LRRFIP1: variants seen among roughly 807,000 people sequenced by gnomAD.
LRRFIP1 encodes the protein leucine-rich repeat flightless-interacting protein 1.
Under a neutral mutation model 104.4 loss-of-function variants are expected in LRRFIP1, and 62 were observed. That is an observed-to-expected ratio of 0.59 (90% CI 0.48 to 0.73). The LOEUF (loss-of-function observed/expected upper bound fraction) is 0.73, where lower values mean the gene tolerates loss of function less well. Among genes scored for constraint, LRRFIP1 ranks in the 30% least tolerant of loss-of-function variants. LRRFIP1 has a pLI of 0.00. For synonymous variants in LRRFIP1, 300 were observed against 299.0 expected, an observed-to-expected ratio of 1.00 and a Z score of -0.03; for missense variants, 796 against 824.5, an observed-to-expected ratio of 0.97 and a Z score of 0.42.
chr2:237,778,297 T>C (rs1430726904), intron 23 of LRRFIP1, among the ~76,000 whole-genome samples: 1 of 152,246 alleles, frequency 6.6e-6, no homozygotes, highest in Non-Finnish European at 1.5e-5. Flanking sequence ...ACAAGCTTCC[T>C]TGAGTGTTTT....
chr2:237,724,971 T>C (rs1466452316), intron 7 of LRRFIP1, among the ~76,000 whole-genome samples: 1 of 152,220 alleles, frequency 6.6e-6, no homozygotes, highest in South Asian at 2.1e-4. Flanking sequence ...ACATTATTCA[T>C]CCAAAAAGTT....
At position 237,718,000 on chromosome 2, in the gene LRRFIP1, C is replaced by A. The variant is rs991068514; in HGVS notation, c.249+191C>A. ...TCTGGTCTCTGTTTACATCCCCAAA[C>A]GCAGCCTGCTTAGAAACAGTCCTGG... On this transcript the variant is annotated intron_variant, in intron 4 of 23. Coordinates refer to ENST00000308482, the MANE Select transcript of LRRFIP1 (RefSeq NM_001137550.2). This position sits in a 1 kb window ranked among gnomAD's most constrained non-coding sequence, Gnocchi z 4.2. Among the ~76,000 whole-genome samples, 1 of 152,244 alleles carries A rather than the reference C, an allele frequency of 6.6e-6. No homozygotes were observed. Among genetic ancestry groups the A allele is most frequent in the Non-Finnish European group, 1.5e-5 (1 of 68,046 alleles).
rs2092801807 is a variant in LRRFIP1, at chr2:237,691,968, G to A, written c.97-16576G>A. Among the ~76,000 whole-genome samples the A allele has an allele frequency of 7.2e-6, 1 of 138,854 alleles. No homozygotes were observed. Among genetic ancestry groups the A allele is most frequent in the African/African-American group, 2.7e-5 (1 of 37,300 alleles). 91.1% of individuals were successfully genotyped at this position (138,854 alleles called of 152,430 possible). A position where few individuals can be genotyped will look rare whatever the true frequency, so the allele number is the denominator to read the frequency against. On this transcript the variant is annotated intron_variant, in intron 1 of 23. Transcript: ENST00000308482. The surrounding 1 kb of genome is among the most constrained non-coding windows in gnomAD (Gnocchi z 5.4). Reference sequence around the variant, plus strand: ...AGGGCGGGACAGGCCGTGGGGCGGGGCCTGGGTGGGGCGGAGCCGGTGGGG... The same window carrying A: ...AGGGCGGGACAGGCCGTGGGGCGGGACCTGGGTGGGGCGGAGCCGGTGGGG...
intron 2 of LRRFIP1, chr2:237,708,849 G>T: frequency 1.5e-6 from 1 of 678,500 alleles, no homozygotes; most frequent in Non-Finnish European, 2.8e-6. Context: ...CTCCTGAGAG[G>T]GGCTTAGAAG....
chr2:237,767,074 A>G (rs1176369210), intron 19 of LRRFIP1, among the ~76,000 whole-genome samples: 1 of 152,158 alleles, frequency 6.6e-6, no homozygotes. Context: ...AGTCCCAGCT[A>G]CTTAGGAGGC....
In LRRFIP1 at chr2:237,753,386, C is replaced by T; in HGVS notation, c.945C>T (p.Asn315=). 3 of 1,606,018 alleles carry T rather than the reference C, an allele frequency of 1.9e-6. No individual in the cohort carries two copies. Among genetic ancestry groups the T allele is most frequent in the Non-Finnish European group, 1.7e-6 (2 of 1,178,186 alleles). ...SNAQLDNEKT[N]FMYQVDTLKD... is the part of the protein sequence containing the mutation. ...CTCAGCTAGACAATGAAAAGACAAA[C>T]TTCATGTACCAGGTTGATACCCTAA... Residue 315 remains asparagine (N), a synonymous_variant, in exon 15 of 24, where the codon AAC becomes AAT. Transcript: ENST00000308482.
intron 4 of LRRFIP1, among the ~76,000 whole-genome samples, chr2:237,718,475 C>G (rs183455452): frequency 2.0e-5 from 3 of 152,304 alleles, no homozygotes; most frequent in South Asian, 4.1e-4. Context: ...TTCTGGCTTT[C>G]TCAGGAAGCA....
chr2:237,679,714 T>A lies in LRRFIP1; in HGVS notation c.97-28830T>A, dbSNP rs188688486. Among the ~76,000 whole-genome samples, 69 of 152,278 alleles carry A rather than the reference T, an allele frequency of 4.5e-4. 1 individual carries two copies. Among genetic ancestry groups the A allele is most frequent in the Non-Finnish European group, 2.9e-5 (2 of 68,022 alleles). Reference sequence around the variant, plus strand: ...ACCTCTGCCAACTGAGTTCAAGTGATTCTCCTGCCTCAGCCTCCCGAGTAG... The same window carrying A: ...ACCTCTGCCAACTGAGTTCAAGTGAATCTCCTGCCTCAGCCTCCCGAGTAG... On this transcript the variant is annotated intron_variant, in intron 1 of 23. Transcript: ENST00000308482.
At chr2:237,693,750 T>TA (rs1387372867) in intron 1 of LRRFIP1, among the ~76,000 whole-genome samples, 1 of 152,118 alleles carries the variant, frequency 6.6e-6, no homozygotes, top group Non-Finnish European at 1.5e-5. Context: ...CTGCTGGACT[T>TA]AGAGTCCTTG....
intron 20 of LRRFIP1, chr2:237,770,212 T>G: frequency 1.9e-6 from 1 of 518,422 alleles, no homozygotes; most frequent in Non-Finnish European, 3.5e-6. Flanking sequence ...TTAATAAGGA[T>G]GTCTCAAAGA....
intron 1 of LRRFIP1, among the ~76,000 whole-genome samples, chr2:237,681,869 C>T (rs1030153739): frequency 2.0e-5 from 3 of 150,732 alleles, no homozygotes; most frequent in Non-Finnish European, 3.0e-5. Flanking sequence ...TTAGTAGAGA[C>T]GGGGTTTCAC....
chr2:237,692,414 C>G (rs1047049629), intron 1 of LRRFIP1: 47 of 1,480,508 alleles, frequency 3.2e-5, no homozygotes, highest in Admixed American at 1.4e-4. Context: ...GGCGCGGTCC[C>G]CGAGCATTTC....
chr2:237,681,640 T>A (rs990648982), intron 1 of LRRFIP1, among the ~76,000 whole-genome samples: 4 of 149,274 alleles, frequency 2.7e-5, no homozygotes, highest in African/African-American at 9.9e-5. Context: ...GTACTGGGAT[T>A]ACAGGTGTGA....
rs570034067 is a variant in LRRFIP1, at chr2:237,732,885, T to G, written c.445-889T>G. Among the ~76,000 whole-genome samples, 5 of 152,338 alleles carry G rather than the reference T, an allele frequency of 3.3e-5. No homozygotes were observed. The East Asian group carries it at 9.6e-4, about 29-fold the overall frequency. ...CCTTTGGCTGGGTCTCCCCGCTGTTTCCTGTTTTTACAAGGTCAGGTTCAG... is the reference window on the plus strand; with the variant it reads ...CCTTTGGCTGGGTCTCCCCGCTGTTGCCTGTTTTTACAAGGTCAGGTTCAG... On this transcript the variant is annotated intron_variant, in intron 8 of 23. Coordinates refer to ENST00000308482, the MANE Select transcript of LRRFIP1 (RefSeq NM_001137550.2).
chr2:237,748,056 C>T (rs1259001314), intron 11 of LRRFIP1, among the ~76,000 whole-genome samples: 2 of 152,228 alleles, frequency 1.3e-5, no homozygotes, highest in Admixed American at 6.5e-5. Flanking sequence ...CTCCAGGGTC[C>T]GTTCCTCATG....
At chr2:237,772,577 T>C (rs1352246077) in intron 21 of LRRFIP1, 1 of 517,894 alleles carries the variant, frequency 1.9e-6, no homozygotes, top group Admixed American at 3.6e-5. Flanking sequence ...GCCCAGTCTC[T>C]CTCCGCCCTT....
chr2:237,696,746 T>A (rs1396340499), intron 1 of LRRFIP1, among the ~76,000 whole-genome samples: 2 of 152,252 alleles, frequency 1.3e-5, no homozygotes, highest in African/African-American at 2.4e-5. Context: ...TATGCAATGC[T>A]GCAGGCAGGG....
chr2:237,739,395 TAG>T (rs2095347706), intron 11 of LRRFIP1, 86 bp downstream of exon 11: 10 of 1,160,354 alleles, frequency 8.6e-6, no homozygotes, highest in Middle Eastern at 3.9e-4. Context: ...TCTCCAAATT[TAG>T]AATATTACTC....
intron 14 of LRRFIP1, 49 bp downstream of exon 14, chr2:237,751,320 TAA>T (rs3835808): frequency 0.094 from 108,086 of 1,149,130 alleles, 5,852 homozygotes; most frequent in East Asian, 0.22. Flanking sequence ...CAACTTAACT[TAA>T]AAAAAAAAAC....
Sources: allele counts gnomAD v4.1 joint callset (sites outside exome capture counted in the v4.1 genomes callset), GRCh38; gene constraint gnomAD v4.1.1; non-coding constraint Gnocchi (gnomAD v3.1); transcripts MANE v1.5; gene names NCBI Gene and HGNC (gene_info 2026-07-23, HGNC 2026-07-21).